The following FBN1 variants were observed in gnomAD, a reference collection of about 807,000 sequenced individuals.
FBN1 encodes fibrillin-1.
Under a neutral mutation model 365.1 loss-of-function variants are expected in FBN1, and 29 were observed. That is an observed-to-expected ratio of 0.08 (90% CI 0.06 to 0.11). The LOEUF (loss-of-function observed/expected upper bound fraction) is 0.11, where lower values mean the gene tolerates loss of function less well. FBN1 is among the 10% of genes least tolerant of loss of function. The pLI, the probability that FBN1 is intolerant of heterozygous loss-of-function variation, is 1.00. For missense variants in FBN1, 2,476 were observed against 3,703.2 expected (o/e 0.67, Z 8.60); for synonymous variants, 1,210 against 1,270.5 (o/e 0.95, Z 1.01).
intron 32 of FBN1, among the ~76,000 whole-genome samples, chr15:48,478,264 A>G (rs1490756439): frequency 6.6e-6 from 1 of 152,200 alleles, no homozygotes; most frequent in East Asian, 1.9e-4. Flanking sequence ...CAGCCAGTGA[A>G]GGAAAATTAG....
chr15:48,622,218 G>A (rs1285971874), intron 2 of FBN1, among the ~76,000 whole-genome samples: 2 of 152,136 alleles, frequency 1.3e-5, no homozygotes, highest in Non-Finnish European at 2.9e-5. Context: ...TTTAAAAAGT[G>A]ACTAAGACAC....
intron 6 of FBN1, among the ~76,000 whole-genome samples, chr15:48,592,343 A>G (rs997623510): frequency 6.6e-6 from 1 of 152,042 alleles, no homozygotes; most frequent in Non-Finnish European, 1.5e-5. Flanking sequence ...ATCCACTCAT[A>G]TGATTCACTG....
At chr15:48,546,449 A>G (rs1392596208) in intron 6 of FBN1, among the ~76,000 whole-genome samples, 2 of 152,208 alleles carry the variant, frequency 1.3e-5, no homozygotes, top group African/African-American at 4.8e-5. Context: ...CTTTCTAAGT[A>G]TGGGAGACAG....
chr15:48,541,743 T>TC (rs2044059640), intron 6 of FBN1, among the ~76,000 whole-genome samples: 1 of 148,344 alleles, frequency 6.7e-6, no homozygotes, highest in African/African-American at 2.6e-5. Flanking sequence ...TTTTTTTTTT[T>TC]CAGATAGTCT....
chr15:48,415,659 C>T lies in FBN1; in HGVS notation c.7928G>A (p.Ser2643Asn). The change falls in exon 64 of 66, where the codon AGT (serine) becomes AAT (asparagine). Residue 2643 changes from serine to asparagine, a missense_variant. Transcript: ENST00000316623. The part of the protein sequence containing the change: ...CPAGFQYEQF[S>N]GGCQDINECG... ...TTCATTGATGTCTTGGCATCCTCCA[C>T]TGAACTGTTCATACTGGAAGCCGGC... The T allele has an allele frequency of 6.2e-7, 1 of 1,614,230 alleles. No homozygotes were observed. Among genetic ancestry groups the T allele is most frequent in the Non-Finnish European group, 8.5e-7 (1 of 1,180,030 alleles).
At chr15:48,585,478 C>T (rs546399917) in intron 6 of FBN1, among the ~76,000 whole-genome samples, 27 of 152,132 alleles carry the variant, frequency 1.8e-4, no homozygotes, top group Non-Finnish European at 3.1e-4. Flanking sequence ...ATATAACATA[C>T]ACATAGATTT....
At chr15:48,499,129 G>T in intron 17 of FBN1, 91 bp from the exon 18 acceptor site, 1 of 1,314,098 alleles carries the variant, frequency 7.6e-7, no homozygotes, top group Non-Finnish European at 1.1e-6. Context: ...TTCCTCCAAA[G>T]TGAGTAGAAC....
chr15:48,415,622 C>T lies in FBN1; in HGVS notation c.7965G>A (p.Ala2655=), dbSNP rs199887650. The T allele has an allele frequency of 3.2e-5, 51 of 1,614,212 alleles. No homozygotes were observed. Among genetic ancestry groups the T allele is most frequent in the Admixed American group, 1.2e-4 (7 of 60,026 alleles). ...AACAGCCATAGCTGCAGGGGGCCTG[C>T]GCAGAGCCACATTCATTGATGTCTT... ...GCQDINECGS[A]QAPCSYGCSN... The change falls in exon 64 of 66, where the codon GCG becomes GCA. Residue 2655 remains alanine, a synonymous_variant. Coordinates refer to ENST00000316623, the MANE Select transcript of FBN1 (RefSeq NM_000138.5).
intron 4 of FBN1, among the ~76,000 whole-genome samples, chr15:48,603,535 T>C (rs937016790): frequency 2.6e-5 from 4 of 152,226 alleles, no homozygotes; most frequent in Non-Finnish European, 4.4e-5. Flanking sequence ...ATTGGTTTTA[T>C]TTTGGATTCA....
intron 15 of FBN1, 37 bp downstream of exon 15, chr15:48,508,545 A>C (rs1225941129): frequency 3.1e-6 from 5 of 1,613,256 alleles, no homozygotes; most frequent in Non-Finnish European, 4.2e-6. Flanking sequence ...GAGAAAAGGC[A>C]CGTGAAGAAC....
chr15:48,548,722 G>C (rs1452134716), intron 6 of FBN1, among the ~76,000 whole-genome samples: 1 of 152,262 alleles, frequency 6.6e-6, no homozygotes, highest in East Asian at 1.9e-4. Flanking sequence ...AAAATAATAA[G>C]AGACAGCATT....
In FBN1 at chr15:48,427,720, C is replaced by G. The variant is rs746127796; in HGVS notation, c.7051G>C (p.Gly2351Arg). The G allele has an allele frequency of 1.2e-6, 2 of 1,614,060 alleles. No homozygotes were observed. Among genetic ancestry groups the G allele is most frequent in the Non-Finnish European group, 1.7e-6 (2 of 1,179,994 alleles). Residue 2351 changes from glycine (G) to arginine (R), a missense_variant, in exon 58 of 66, where the codon GGC becomes CGC. Physicochemically the swap from Gly to Arg is moderately radical, Grantham distance 125. Around this residue, in one of 5 missense-constraint regions of FBN1, gnomAD observed 1,780 missense variants for 2,840.8 expected, o/e 0.63. Coordinates refer to ENST00000316623, the MANE Select transcript of FBN1 (RefSeq NM_000138.5). ...GTGACGGGGTTCCTGTTGCTGGAGC[C>G]GATCTGACACATGTTTTGTAGCACC... ...TEVLQNMCQIGSSNRNPVTKS... is the reference protein window; with the variant it reads ...TEVLQNMCQIRSSNRNPVTKS...
chr15:48,616,557 T>C (rs1178010991), intron 2 of FBN1, among the ~76,000 whole-genome samples: 3 of 152,228 alleles, frequency 2.0e-5, no homozygotes, highest in Non-Finnish European at 2.9e-5. Flanking sequence ...AAATGAGACA[T>C]GCTGGATTAT....
At chr15:48,439,336 T>C (rs1443195330) in intron 50 of FBN1, among the ~76,000 whole-genome samples, 1 of 152,236 alleles carries the variant, frequency 6.6e-6, no homozygotes, top group East Asian at 1.9e-4. Context: ...GGCAAGCACC[T>C]TTCAATGAAT....
At chr15:48,607,312 T>C (rs2044620986) in intron 4 of FBN1, among the ~76,000 whole-genome samples, 1 of 149,544 alleles carries the variant, frequency 6.7e-6, no homozygotes, top group East Asian at 1.9e-4. Context: ...TTTTATCATG[T>C]ATCATATATA....
intron 35 of FBN1, among the ~76,000 whole-genome samples, chr15:48,471,191 T>C (rs1409969762): frequency 6.6e-6 from 1 of 152,124 alleles, no homozygotes; most frequent in Non-Finnish European, 1.5e-5. Context: ...TAATCTCCAG[T>C]GTCCCTAGTC....
intron 37 of FBN1, 30 bp downstream of exon 37, chr15:48,468,382 T>C: frequency 6.2e-7 from 1 of 1,613,710 alleles, no homozygotes; most frequent in Admixed American, 1.7e-5. Flanking sequence ...ACAGTATGCT[T>C]GCTTCTCTGA....
intron 6 of FBN1, among the ~76,000 whole-genome samples, chr15:48,547,903 C>G (rs1408596614): frequency 6.6e-6 from 1 of 152,062 alleles, no homozygotes; most frequent in African/African-American, 2.4e-5. Context: ...GCACTGAACT[C>G]AGCTGAAGAA....
rs55840194 is a variant in FBN1 at position 48,468,553 on chromosome 15, T to C, written c.4460-19A>G. ...TTCACATCTAAAACCGAACAGTGAGTAGTGGAGTTATCACCTGAGCCAGTG... is the reference window on the plus strand; with the variant it reads ...TTCACATCTAAAACCGAACAGTGAGCAGTGGAGTTATCACCTGAGCCAGTG... On this transcript the variant is annotated intron_variant, in intron 36 of 65. Transcript: ENST00000316623. The C allele has an allele frequency of 0.016, 25,037 of 1,613,552 alleles. 599 individuals carry two copies. The highest frequency in any genetic ancestry group is 0.11 in the East Asian group (4,798 of 44,842).
Sources: allele counts gnomAD v4.1 joint callset (sites outside exome capture counted in the v4.1 genomes callset), GRCh38; gene constraint gnomAD v4.1.1; regional missense constraint gnomAD v4.1.1; transcripts MANE v1.5; gene names NCBI Gene and HGNC (gene_info 2026-07-23, HGNC 2026-07-21).